The following SHPRH variants were observed in gnomAD, a reference collection of about 807,000 sequenced individuals.
The protein encoded by SHPRH is SNF2 histone linker PHD RING helicase.
A neutral mutation model predicts 202.5 loss-of-function variants in SHPRH; 106 were observed. The observed-to-expected ratio is 0.52, with a 90% CI of 0.45 to 0.62. SHPRH has a LOEUF of 0.62. Ranked by LOEUF, SHPRH falls within the 20% of genes least tolerant of loss-of-function variation. SHPRH has a pLI of 0.00. For synonymous variants in SHPRH, 729 were observed against 686.0 expected, an observed-to-expected ratio of 1.06 and a Z score of -0.98; for missense variants, 1,710 against 2,020.0, an observed-to-expected ratio of 0.85 and a Z score of 2.94.
intron 11 of SHPRH, among the ~76,000 whole-genome samples, chr6:145,938,618 T>A (rs1211710171): frequency 6.6e-6 from 1 of 152,192 alleles, no homozygotes; most frequent in African/African-American, 2.4e-5. Flanking sequence ...CTATCATTCA[T>A]TGAATATTTA....
At chr6:145,954,064 C>T (rs559016554) in intron 2 of SHPRH, among the ~76,000 whole-genome samples, 5 of 151,076 alleles carry the variant, frequency 3.3e-5, no homozygotes, top group Admixed American at 6.6e-5. Flanking sequence ...ATTTAAGAAA[C>T]GATCTCCCTG....
intron 6 of SHPRH, 110 bp from the exon 7 acceptor site, chr6:145,946,451 A>C: frequency 2.3e-6 from 2 of 867,698 alleles, no homozygotes; most frequent in South Asian, 2.2e-5. Flanking sequence ...GTTCTAAAAA[A>C]ATTGCAAGAG....
downstream of SHPRH, among the ~76,000 whole-genome samples, chr6:145,860,704 C>CT: frequency 6.6e-6 from 1 of 151,890 alleles, no homozygotes; most frequent in East Asian, 1.9e-4. Context: ...ATTTTGAGCA[C>CT]TAAGAACAAA....
At chr6:145,947,191 A>G (rs948692018) in intron 6 of SHPRH, among the ~76,000 whole-genome samples, 1 of 152,080 alleles carries the variant, frequency 6.6e-6, no homozygotes. Flanking sequence ...TTTATTAGTG[A>G]CAAAACATTT....
At chr6:145,951,372 A>C (rs562554645) in intron 3 of SHPRH, among the ~76,000 whole-genome samples, 2 of 152,188 alleles carry the variant, frequency 1.3e-5, no homozygotes, top group Admixed American at 6.6e-5. Flanking sequence ...GACACCAAAA[A>C]ATTCACAACT....
chr6:145,857,875 G>T, the SHPRH span, among the ~76,000 whole-genome samples: 1 of 152,012 alleles, frequency 6.6e-6, no homozygotes, highest in Admixed American at 6.6e-5. Flanking sequence ...TCAACCATAA[G>T]AAATCAATCA....
chr6:145,946,873 T>C (rs986315178), intron 6 of SHPRH, among the ~76,000 whole-genome samples: 3 of 152,008 alleles, frequency 2.0e-5, no homozygotes, highest in African/African-American at 7.2e-5. Flanking sequence ...ATTATACCTT[T>C]AACTACTGAC....
chr6:145,950,486 T>C lies in SHPRH; in HGVS notation c.764-4A>G. On this transcript the variant is annotated splice_polypyrimidine_tract_variant and splice_region_variant and intron_variant, in intron 3 of 29. Transcript: ENST00000275233. ...TCTTCATCCTCTTCCAACACATCTG[T>C]ACATCACACAGCAAATGTACTCAAA... 6.2e-7 allele frequency: 1 copy of C among 1,611,840 alleles called. No individual in the cohort carries two copies. The highest frequency in any genetic ancestry group is 8.5e-7 in the Non-Finnish European group (1 of 1,178,598).
At chr6:145,929,245 T>C (rs1481250110) in intron 14 of SHPRH, among the ~76,000 whole-genome samples, 2 of 151,994 alleles carry the variant, frequency 1.3e-5, no homozygotes, top group Non-Finnish European at 2.9e-5. Context: ...TTGATGGCGC[T>C]AACATTTCTA....
chr6:145,867,627 TATATAGAG>T (rs1459776783), intron 2 of SHPRH, among the ~76,000 whole-genome samples: 95 of 53,766 alleles, frequency 1.8e-3, no homozygotes, highest in African/African-American at 5.2e-3. Context: ...TATATATATA[TATATAGAG>T]AGAGAGAGAG....
chr6:145,875,484 C>A (rs1392651373), intron 2 of SHPRH, among the ~76,000 whole-genome samples: 5 of 152,186 alleles, frequency 3.3e-5, no homozygotes, highest in African/African-American at 1.2e-4. Context: ...AGTTGTTCTA[C>A]TCAATATTTG....
chr6:145,889,026 T>C (rs776725845), intron 28 of SHPRH, among the ~76,000 whole-genome samples: 11 of 152,128 alleles, frequency 7.2e-5, no homozygotes, highest in Non-Finnish European at 1.5e-4. Flanking sequence ...CAGTTTTGTT[T>C]TGTCCATGTG....
At chr6:145,952,499 T>A (rs757278990) in intron 2 of SHPRH, 21 bp from the exon 3 acceptor site, 12 of 1,588,708 alleles carry the variant, frequency 7.6e-6, no homozygotes, top group Non-Finnish European at 9.4e-6. Context: ...TTAATCAAAA[T>A]AAAAGTAGTT....
At chr6:145,870,792 T>C (rs1161205051) in intron 2 of SHPRH, 4 of 152,228 alleles carry the variant, frequency 2.6e-5, no homozygotes, top group African/African-American at 7.2e-5. Flanking sequence ...AGGGTTTTTG[T>C]AGATATCCTT....
At chr6:145,954,006 A>G (rs1472579537) in intron 2 of SHPRH, among the ~76,000 whole-genome samples, 4 of 151,904 alleles carry the variant, frequency 2.6e-5, no homozygotes, top group Admixed American at 1.3e-4. Context: ...GCCAAAAAAA[A>G]AAATCTACCA....
intron 23 of SHPRH, chr6:145,917,296 T>A (rs1784038880): frequency 6.6e-6 from 1 of 152,164 alleles, no homozygotes; most frequent in African/African-American, 2.4e-5. Context: ...ATCATTCTCA[T>A]TTTACTGATG....
chr6:145,956,729 T>C (rs997433337), intron 1 of SHPRH, among the ~76,000 whole-genome samples: 3 of 152,114 alleles, frequency 2.0e-5, no homozygotes, highest in Non-Finnish European at 4.4e-5. Flanking sequence ...CAAGCATACA[T>C]AAAAATTTAG....
At chr6:145,866,026 G>A (rs2128685445) in intron 2 of SHPRH, among the ~76,000 whole-genome samples, 1 of 152,286 alleles carries the variant, frequency 6.6e-6, no homozygotes, top group African/African-American at 2.4e-5. Context: ...CTGATTCCAT[G>A]GAGCTATTTT....
intron 25 of SHPRH, among the ~76,000 whole-genome samples, chr6:145,895,405 C>T (rs1381331253): frequency 6.6e-6 from 1 of 151,984 alleles, no homozygotes; most frequent in Non-Finnish European, 1.5e-5. Context: ...CCAATGTAAG[C>T]AAACAGTGAA....
Sources: allele counts gnomAD v4.1 joint callset (sites outside exome capture counted in the v4.1 genomes callset), GRCh38; gene constraint gnomAD v4.1.1; transcripts MANE v1.5; gene names NCBI Gene and HGNC (gene_info 2026-07-23, HGNC 2026-07-21).